The following HEATR5A variants were observed in gnomAD, a reference collection of about 807,000 sequenced individuals.
HEATR5A encodes HEAT repeat-containing protein 5A.
HEATR5A carries 178 observed loss-of-function variants against 218.8 expected under a neutral mutation model. The ratio of observed to expected loss-of-function variants is 0.81; its 90% CI spans 0.72 to 0.92. The LOEUF is 0.92. Ranked by LOEUF, HEATR5A falls within the 40% of genes least tolerant of loss-of-function variation. HEATR5A has a pLI of 0.00. For synonymous variants in HEATR5A, 864 were observed against 871.6 expected (o/e 0.99, Z 0.15); for missense variants, 2,420 against 2,418.9 (o/e 1.00, Z -0.01).
In HEATR5A at chr14:31,388,853, C is replaced by T; in HGVS notation, c.925G>A (p.Val309Ile). 6.2e-7 allele frequency: 1 copy of T among 1,613,634 alleles called. No homozygotes were observed. The highest frequency in any genetic ancestry group is 1.7e-5 in the Admixed American group (1 of 59,986). ...TGATTTGTGATTCCAACCTGAGTAACTCCAACTCGAACATCCCTACTGACT... is the reference window on the plus strand; with the variant it reads ...TGATTTGTGATTCCAACCTGAGTAATTCCAACTCGAACATCCCTACTGACT... Reference protein sequence around the residue: ...SSVSRDVRVGVTQAYVVFVST... With the variant: ...SSVSRDVRVGITQAYVVFVST... The change falls in exon 7 of 36, where the codon GTT becomes ATT. Residue 309 changes from valine to isoleucine, a missense_variant. Transcript: ENST00000543095.
At chr14:31,294,445 G>A (rs79081344) in intron 34 of HEATR5A, among the ~76,000 whole-genome samples, 1 of 53,876 alleles carries the variant, frequency 1.9e-5, no homozygotes, top group Non-Finnish European at 4.2e-5. Flanking sequence ...TTTTTTTTTT[G>A]AGTGCCCAGG....
intron 28 of HEATR5A, among the ~76,000 whole-genome samples, chr14:31,312,253 T>C (rs1258901597): frequency 1.3e-5 from 2 of 152,120 alleles, no homozygotes; most frequent in Non-Finnish European, 1.5e-5. Flanking sequence ...TGGGCAAAGA[T>C]TATGACTACA....
chr14:31,407,992 T>C (rs528329423), intron 1 of HEATR5A, among the ~76,000 whole-genome samples: 1 of 152,328 alleles, frequency 6.6e-6, no homozygotes, highest in East Asian at 1.9e-4. Flanking sequence ...CCAAACATTG[T>C]ATGTGCTTAC....
intron 3 of HEATR5A, among the ~76,000 whole-genome samples, chr14:31,399,620 A>T: frequency 6.6e-6 from 1 of 152,336 alleles, no homozygotes; most frequent in East Asian, 1.9e-4. Context: ...ACTTGAGGTT[A>T]GGAGTTTGAG....
At chr14:31,361,158 G>C (rs925465632) in intron 14 of HEATR5A, among the ~76,000 whole-genome samples, 8 of 152,130 alleles carry the variant, frequency 5.3e-5, no homozygotes, top group Admixed American at 1.3e-4. Context: ...CAGAATTTGA[G>C]CTTTTAACCA....
chr14:31,348,464 T>C (rs1901093561), intron 18 of HEATR5A, among the ~76,000 whole-genome samples: 1 of 152,128 alleles, frequency 6.6e-6, no homozygotes, highest in Non-Finnish European at 1.5e-5. Context: ...AAGCCTGTAG[T>C]CCCAGTCACT....
chr14:31,380,460 C>CTGTT lies in HEATR5A; in HGVS notation c.1708+3_1708+6dup. The stretch of plus-strand genomic sequence containing the variant: ...TCAAGGTATGTAAACCTTCTACAGA[C>CTGTT]TGTTACCTAATGTCATCAGAGCAGA... On this transcript the variant is annotated splice_region_variant and intron_variant, in intron 11 of 35. Coordinates refer to ENST00000543095, the MANE Select transcript of HEATR5A (RefSeq NM_015473.4). 1 of 1,566,226 alleles carries CTGTT rather than the reference C, an allele frequency of 6.4e-7. No individual in the cohort carries two copies. Among genetic ancestry groups the CTGTT allele is most frequent in the Non-Finnish European group, 8.7e-7 (1 of 1,143,374 alleles).
At chr14:31,405,830 G>A (rs536820197) in intron 1 of HEATR5A, among the ~76,000 whole-genome samples, 3 of 152,264 alleles carry the variant, frequency 2.0e-5, no homozygotes, top group East Asian at 3.9e-4. Flanking sequence ...CAATATTGTG[G>A]TGTAAAATGA....
Position 31,302,531 on chromosome 14 carries a change from A to C in HEATR5A, c.5240-12T>G, listed in dbSNP as rs766550024. The C allele has an allele frequency of 3.3e-6, 5 of 1,522,846 alleles. No individual in the cohort carries two copies. Among genetic ancestry groups the C allele is most frequent in the Non-Finnish European group, 4.5e-6 (5 of 1,119,398 alleles). 94.3% of individuals were successfully genotyped at this position (1,522,846 alleles called of 1,614,324 possible). The stretch of plus-strand genomic sequence containing the variant: ...AATTGAGATGCTTCCTGTAAGATAC[A>C]TTTTTTAAAAACACACTGGATTTCA... On this transcript the variant is annotated splice_polypyrimidine_tract_variant and intron_variant, in intron 32 of 35. Transcript: ENST00000543095.
chr14:31,323,749 C>T lies in HEATR5A; in HGVS notation c.3603G>A (p.Gly1201=), dbSNP rs1350156525. The T allele has an allele frequency of 6.2e-7, 1 of 1,608,684 alleles. No individual in the cohort carries two copies. Among genetic ancestry groups the T allele is most frequent in the Non-Finnish European group, 8.5e-7 (1 of 1,175,352 alleles). ...TGGTGGTCAGGACTGAGGCATCATCCCCTTTATCTCCTTCTTCTTCTTGCA... is the reference window on the plus strand; with the variant it reads ...TGGTGGTCAGGACTGAGGCATCATCTCCTTTATCTCCTTCTTCTTCTTGCA... ...DTMQEEEGDK[G]DDASVLTTRR... Residue 1201 remains glycine, a synonymous_variant, in exon 24 of 36, where the codon GGG becomes GGA. Transcript: ENST00000543095.
rs943071135 is a variant in HEATR5A at position 31,349,149 on chromosome 14, G to C, written c.2708+640C>G. Reference sequence around the variant, plus strand: ...CCACGCTTTTAATCCCAGCACTTTGGGAGGCTGAGGCGGGCGGAACACAAG... The same window carrying C: ...CCACGCTTTTAATCCCAGCACTTTGCGAGGCTGAGGCGGGCGGAACACAAG... On this transcript the variant is annotated intron_variant, in intron 18 of 35. Coordinates refer to ENST00000543095, the MANE Select transcript of HEATR5A (RefSeq NM_015473.4). Among the ~76,000 whole-genome samples, 7 of 152,140 alleles carry C rather than the reference G, an allele frequency of 4.6e-5. No homozygotes were observed. In the East Asian group the frequency reaches 1.2e-3, roughly 25 times the overall value.
intron 6 of HEATR5A, among the ~76,000 whole-genome samples, chr14:31,389,914 T>C (rs991531097): frequency 2.0e-5 from 3 of 152,150 alleles, no homozygotes; most frequent in African/African-American, 7.2e-5. Flanking sequence ...ACTATGTATA[T>C]TAAACAGTGA....
In HEATR5A at chr14:31,343,977, A is replaced by C. The variant is rs1566761629; in HGVS notation, c.3147T>G (p.Ala1049=). 2 of 1,612,030 alleles carry C rather than the reference A, an allele frequency of 1.2e-6. No homozygotes were observed. Among genetic ancestry groups the C allele is most frequent in the East Asian group, 4.5e-5 (2 of 44,820 alleles). The change falls in exon 21 of 36, where the codon GCT becomes GCG. Residue 1049 remains alanine, a synonymous_variant. Transcript: ENST00000543095. ...MQDNPDCLVQ[A]QAISCLQQLH... ...GCTGCTGAAGGCAAGAGATGGCCTG[A>C]GCTTGAACAAGGCAGTCTGGGTTAT...
intron 28 of HEATR5A, among the ~76,000 whole-genome samples, chr14:31,312,671 C>T (rs73257363): frequency 0.012 from 1,787 of 152,190 alleles, 32 homozygotes; most frequent in African/African-American, 0.041. Context: ...CCTCAGCTTC[C>T]CGAACTGCTG....
chr14:31,329,977 C>T (rs992281235), intron 22 of HEATR5A, among the ~76,000 whole-genome samples: 3 of 152,248 alleles, frequency 2.0e-5, no homozygotes, highest in Non-Finnish European at 1.5e-5. Context: ...TCCCAAAGTG[C>T]TGGGATTATG....
At chr14:31,297,336 G>GGT (rs1038531996) in intron 33 of HEATR5A, 7 of 152,298 alleles carry the variant, frequency 4.6e-5, no homozygotes, top group African/African-American at 1.7e-4. Flanking sequence ...CAGGAGCAGT[G>GGT]GTGTGTGTCT....
At chr14:31,329,567 G>A (rs1163453433) in intron 22 of HEATR5A, among the ~76,000 whole-genome samples, 4 of 152,198 alleles carry the variant, frequency 2.6e-5, no homozygotes, top group Admixed American at 2.6e-4. Context: ...GGCTCCTACA[G>A]CCTTGGGCAG....
chr14:31,340,343 TAA>T (rs1382411300), intron 21 of HEATR5A: 23 of 542,464 alleles, frequency 4.2e-5, no homozygotes, highest in Non-Finnish European at 6.1e-5. Context: ...ATGGTTCGCT[TAA>T]AAAAAGAGAT....
At chr14:31,341,422 C>T (rs2058623589) in intron 21 of HEATR5A, among the ~76,000 whole-genome samples, 1 of 151,800 alleles carries the variant, frequency 6.6e-6, no homozygotes, top group Non-Finnish European at 1.5e-5. Flanking sequence ...GAGACAGTGT[C>T]TTGCTCCATT....
Sources: gnomAD v4.1 joint callset for allele counts (sites outside exome capture counted in the v4.1 genomes callset) on GRCh38, gnomAD v4.1.1 for gene constraint, MANE v1.5 for transcripts, NCBI Gene and HGNC (gene_info 2026-07-23, HGNC 2026-07-21) for gene names.